The following DRC1 variants were observed in gnomAD, a reference collection of about 807,000 sequenced individuals.
DRC1 encodes the protein dynein regulatory complex protein 1.
Under a neutral mutation model 98.7 loss-of-function variants are expected in DRC1, and 74 were observed. The observed-to-expected ratio is 0.75, with a 90% CI of 0.62 to 0.91. DRC1 has a LOEUF of 0.91. Among genes scored for constraint, DRC1 ranks in the 40% least tolerant of loss-of-function variants. The pLI is 0.00. For synonymous variants in DRC1, 336 were observed against 334.1 expected (o/e 1.01, Z -0.06); for missense variants, 875 against 886.0 (o/e 0.99, Z 0.16).
intron 13 of DRC1, among the ~76,000 whole-genome samples, chr2:26,451,103 A>G (rs1663995103): frequency 6.6e-6 from 1 of 152,206 alleles, no homozygotes; most frequent in Non-Finnish European, 1.5e-5. Flanking sequence ...GCACTTCTGG[A>G]GAAATAGCGG....
At chr2:26,433,890 C>T (rs1394045061) in intron 7 of DRC1, among the ~76,000 whole-genome samples, 1 of 151,894 alleles carries the variant, frequency 6.6e-6, no homozygotes, top group South Asian at 2.1e-4. Context: ...AGATGGAAAC[C>T]GAGGCTACCT....
intron 2 of DRC1, 36 bp downstream of exon 2, chr2:26,414,467 A>T: frequency 6.3e-7 from 1 of 1,593,602 alleles, no homozygotes; most frequent in Non-Finnish European, 8.6e-7. Flanking sequence ...CTGGAAGACC[A>T]GTGAGCTGGG....
intron 10 of DRC1, chr2:26,448,469 A>C: frequency 3.0e-6 from 2 of 675,236 alleles, no homozygotes; most frequent in East Asian, 3.0e-5. Context: ...CTGGCTGGGA[A>C]TGGCCGAGTT....
intron 3 of DRC1, among the ~76,000 whole-genome samples, chr2:26,421,888 T>C (rs571623680): frequency 6.6e-6 from 1 of 152,190 alleles, no homozygotes; most frequent in Non-Finnish European, 1.5e-5. Context: ...CCTCCCCTCC[T>C]CAAGCACTAC....
chr2:26,407,721 T>C (rs1364998150), intron 1 of DRC1, among the ~76,000 whole-genome samples: 1 of 152,070 alleles, frequency 6.6e-6, no homozygotes, highest in Non-Finnish European at 1.5e-5. Flanking sequence ...GACCTCTTCC[T>C]GGACGACTGC....
intron 1 of DRC1, among the ~76,000 whole-genome samples, chr2:26,405,510 G>T (rs1372337218): frequency 1.3e-5 from 2 of 152,058 alleles, no homozygotes; most frequent in Non-Finnish European, 2.9e-5. Flanking sequence ...AATAATAGAT[G>T]TGGCACCTGA....
chr2:26,407,561 G>A lies in DRC1; in HGVS notation c.155+5417G>A, dbSNP rs184429674. On this transcript the variant is annotated intron_variant, in intron 1 of 16. Coordinates refer to ENST00000288710, the MANE Select transcript of DRC1 (RefSeq NM_145038.5). ...GACATGTCCACTTCCTGCTACCCCC[G>A]TCCCTTTACTAATTATTATGAGGTC... Among the ~76,000 whole-genome samples, 186 of 152,030 alleles carry A rather than the reference G, an allele frequency of 1.2e-3. 1 individual carries two copies. The highest frequency in any genetic ancestry group is 2.2e-3 in the Non-Finnish European group (150 of 67,966).
chr2:26,454,796 T>G lies in DRC1; in HGVS notation c.2063+6T>G. ...ACAGCCTTGGAGAAGTACCAGTAAG[T>G]GTGCATGTCATGGAGCAGGAGGGTG... is the stretch of plus-strand genomic sequence containing the variant. On this transcript the variant is annotated splice_donor_region_variant and intron_variant, in intron 15 of 16. Coordinates refer to ENST00000288710, the MANE Select transcript of DRC1 (RefSeq NM_145038.5). The surrounding 1 kb of genome is among the most constrained non-coding windows in gnomAD (Gnocchi z 5.2). 1 of 1,613,906 alleles carries G rather than the reference T, an allele frequency of 6.2e-7. No individual in the cohort carries two copies. Among genetic ancestry groups the G allele is most frequent in the Non-Finnish European group, 8.5e-7 (1 of 1,179,924 alleles).
chr2:26,453,580 G>T lies in DRC1; in HGVS notation c.1919+31G>T, dbSNP rs538996815. The stretch of plus-strand genomic sequence containing the variant: ...CTGCGGGGCTGGAAGGCTTGCCTGA[G>T]ACCAGAACCAGGGGAGCTGGATGGG... On this transcript the variant is annotated intron_variant, in intron 14 of 16. Coordinates refer to ENST00000288710, the MANE Select transcript of DRC1 (RefSeq NM_145038.5). The T allele has an allele frequency of 6.2e-6, 10 of 1,600,006 alleles. No individual in the cohort carries two copies. The East Asian group carries it at 2.2e-4, about 36-fold the overall frequency.
intron 1 of DRC1, among the ~76,000 whole-genome samples, chr2:26,404,661 T>G (rs1395653829): frequency 6.6e-6 from 1 of 152,236 alleles, no homozygotes; most frequent in Non-Finnish European, 1.5e-5. Flanking sequence ...TATTTTTTTT[T>G]GTGTACTGAG....
At chr2:26,426,540 C>T (rs1663289547) in intron 4 of DRC1, among the ~76,000 whole-genome samples, 3 of 151,544 alleles carry the variant, frequency 2.0e-5, no homozygotes, top group Middle Eastern at 6.8e-3. Flanking sequence ...CTAATTTTTG[C>T]ATTTTTAGTA....
chr2:26,431,778 T>C, intron 6 of DRC1, 106 bp from the exon 7 acceptor site: 1 of 1,525,650 alleles, frequency 6.6e-7, no homozygotes, highest in Non-Finnish European at 8.8e-7. Context: ...TGTGGAGCCA[T>C]GAAACTTCCA....
rs1017038187 is a variant in DRC1, at chr2:26,439,934, T to TATATATATAC, written c.889-441_889-440insTATATACATA. On this transcript the variant is annotated intron_variant, in intron 7 of 16. Coordinates refer to ENST00000288710, the MANE Select transcript of DRC1 (RefSeq NM_145038.5). ...CAACTAGTGTGTGAATATATATATA[T>TATATATATAC]ATACACACACACATACACACACACA... 8.1e-5 allele frequency among the ~76,000 whole-genome samples: 9 copies of TATATATATAC among 111,662 alleles called. 1 individual carries two copies. Among genetic ancestry groups the TATATATATAC allele is most frequent in the African/African-American group, 3.7e-4 (9 of 24,424 alleles). The allele number at this position is 111,662 out of a possible 152,430, so 73.3% of individuals were successfully genotyped here.
Position 26,431,893 on chromosome 2 carries a change from C to A in DRC1, c.775C>A (p.Leu259Ile). 1 of 1,613,860 alleles carries A rather than the reference C, an allele frequency of 6.2e-7. No individual in the cohort carries two copies. The highest frequency in any genetic ancestry group is 8.5e-7 in the Non-Finnish European group (1 of 1,179,832). Residue 259 changes from leucine (L) to isoleucine (I), a missense_variant, in exon 7 of 17, where the codon CTT (leucine) becomes ATT (isoleucine). Physicochemically the swap from Leu to Ile is conservative, Grantham distance 5. Transcript: ENST00000288710. ...QAHNAKELEY[L>I]NNRMKKVEDY... ...CTTCCTGTGCCTTTAGCTGGAGTATCTTAACAACCGCATGAAGAAAGTAGA... is the reference window on the plus strand; with the variant it reads ...CTTCCTGTGCCTTTAGCTGGAGTATATTAACAACCGCATGAAGAAAGTAGA...
At chr2:26,426,431 A>G (rs914429623) in intron 4 of DRC1, among the ~76,000 whole-genome samples, 5 of 146,158 alleles carry the variant, frequency 3.4e-5, no homozygotes, top group Non-Finnish European at 6.0e-5. Context: ...CAGTGGTTTG[A>G]TCTCGGCTCA....
At chr2:26,412,717 G>A (rs2147978937) in intron 1 of DRC1, among the ~76,000 whole-genome samples, 1 of 152,304 alleles carries the variant, frequency 6.6e-6, no homozygotes, top group African/African-American at 2.4e-5. Context: ...AGTAATTGCT[G>A]TTATTCGTTT....
intron 7 of DRC1, among the ~76,000 whole-genome samples, chr2:26,437,487 T>A (rs1663603371): frequency 6.6e-6 from 1 of 152,242 alleles, no homozygotes; most frequent in South Asian, 2.1e-4. Flanking sequence ...CCCGGCACGA[T>A]GCTCAGTGCT....
chr2:26,404,108 A>T (rs1678345054), intron 1 of DRC1, among the ~76,000 whole-genome samples: 1 of 152,128 alleles, frequency 6.6e-6, no homozygotes, highest in Admixed American at 6.6e-5. Context: ...TCAAAAAAAA[A>T]AAATTGTAAA....
intron 3 of DRC1, among the ~76,000 whole-genome samples, chr2:26,423,979 CCA>C (rs1663216697): frequency 6.6e-6 from 1 of 152,084 alleles, no homozygotes; most frequent in Non-Finnish European, 1.5e-5. Flanking sequence ...AAGCAGGTGA[CCA>C]ATCGATCTTG....
Sources: gnomAD v4.1 joint callset for allele counts (sites outside exome capture counted in the v4.1 genomes callset) on GRCh38, gnomAD v4.1.1 for gene constraint, Gnocchi (gnomAD v3.1) non-coding constraint, MANE v1.5 for transcripts, NCBI Gene and HGNC (gene_info 2026-07-23, HGNC 2026-07-21) for gene names.